Variants in ZZZ3 observed in about 807,000 individuals in gnomAD.
ZZZ3 encodes the protein ZZ-type zinc finger-containing protein 3.
ZZZ3 carries 22 observed loss-of-function variants against 95.2 expected under a neutral mutation model. The ratio of observed to expected loss-of-function variants is 0.23; its 90% CI spans 0.17 to 0.33. ZZZ3 has a LOEUF of 0.33. Ranked by LOEUF, ZZZ3 falls within the 10% of genes least tolerant of loss-of-function variation. The pLI is 1.00. For missense variants in ZZZ3, 885 were observed against 1,066.5 expected (o/e 0.83, Z 2.37); for synonymous variants, 335 against 358.9 (o/e 0.93, Z 0.75).
chr1:77,572,676 G>A (rs757351179), intron 12 of ZZZ3, among the ~76,000 whole-genome samples: 5 of 151,196 alleles, frequency 3.3e-5, no homozygotes, highest in South Asian at 2.1e-4. Flanking sequence ...TCCCTCTGTC[G>A]CCCAGGCTGG....
chr1:77,576,544 T>C (rs917160998), intron 11 of ZZZ3, among the ~76,000 whole-genome samples: 1 of 152,154 alleles, frequency 6.6e-6, no homozygotes, highest in African/African-American at 2.4e-5. Flanking sequence ...TATGATCATC[T>C]TATAGAAGAT....
intron 1 of ZZZ3, chr1:77,645,597 G>A (rs1001957088): frequency 1.3e-5 from 2 of 152,102 alleles, no homozygotes; most frequent in African/African-American, 4.8e-5. Flanking sequence ...ACTCCAATTT[G>A]AGTAAAACAG....
At chr1:77,580,510 A>T (rs1662395846) in intron 9 of ZZZ3, 1 of 152,354 alleles carries the variant, frequency 6.6e-6, no homozygotes, top group Non-Finnish European at 1.5e-5. Context: ...ACAAAAGTTT[A>T]CACATTCTCA....
At chr1:77,600,923 T>G (rs1011722975) in intron 5 of ZZZ3, among the ~76,000 whole-genome samples, 2 of 152,178 alleles carry the variant, frequency 1.3e-5, no homozygotes, top group African/African-American at 4.8e-5. Flanking sequence ...AGTTTTAACC[T>G]GAGTTTTCAG....
chr1:77,575,122 T>A (rs1007284010), intron 12 of ZZZ3, among the ~76,000 whole-genome samples: 12 of 152,044 alleles, frequency 7.9e-5, no homozygotes, highest in Non-Finnish European at 1.6e-4. Context: ...AGGCAGAGGC[T>A]GCAGTGAGCC....
At chr1:77,591,798 A>C (rs1663722284) in intron 5 of ZZZ3, among the ~76,000 whole-genome samples, 1 of 152,236 alleles carries the variant, frequency 6.6e-6, no homozygotes, top group African/African-American at 2.4e-5. Flanking sequence ...ATTTAAAATG[A>C]GCAAAGAAAA....
At chr1:77,678,941 A>C (rs1282609873) in intron 1 of ZZZ3, among the ~76,000 whole-genome samples, 1 of 152,192 alleles carries the variant, frequency 6.6e-6, no homozygotes, top group Non-Finnish European at 1.5e-5. Flanking sequence ...CAACAGTAAT[A>C]ATAATATCTG....
At chr1:77,646,116 T>C (rs142683620) in intron 1 of ZZZ3, among the ~76,000 whole-genome samples, 205 of 152,322 alleles carry the variant, frequency 1.3e-3, no homozygotes, top group African/African-American at 4.8e-3. Context: ...TCCTAAATAT[T>C]TCTCAAATTG....
intron 1 of ZZZ3, among the ~76,000 whole-genome samples, chr1:77,642,412 C>T (rs1322720235): frequency 6.6e-6 from 1 of 152,102 alleles, no homozygotes; most frequent in African/African-American, 2.4e-5. Context: ...TGTACCACTC[C>T]ATTACACAGT....
intron 1 of ZZZ3, among the ~76,000 whole-genome samples, chr1:77,662,617 TAA>T (rs1557773901): frequency 6.6e-6 from 1 of 152,078 alleles, no homozygotes; most frequent in Non-Finnish European, 1.5e-5. Context: ...CCTAATCTCT[TAA>T]AAAATGTCAA....
chr1:77,658,175 T>A (rs1292633035), intron 1 of ZZZ3, among the ~76,000 whole-genome samples: 66 of 103,236 alleles, frequency 6.4e-4, no homozygotes, highest in Non-Finnish European at 9.4e-4. Context: ...CGAGACTTTG[T>A]CTCAAAAAAA....
intron 11 of ZZZ3, among the ~76,000 whole-genome samples, chr1:77,577,256 A>C (rs1405467000): frequency 2.0e-5 from 3 of 152,242 alleles, no homozygotes; most frequent in Non-Finnish European, 4.4e-5. Context: ...AGGGAAAAAA[A>C]CACATGTACG....
At chr1:77,577,935 TAATGTAG>T (rs1662130671) in intron 11 of ZZZ3, among the ~76,000 whole-genome samples, 1 of 152,090 alleles carries the variant, frequency 6.6e-6, no homozygotes, top group African/African-American at 2.4e-5. Flanking sequence ...GGCTACATTT[TAATGTAG>T]TGTCCTGTTT....
At chr1:77,579,699 AC>A in intron 9 of ZZZ3, 71 bp from the exon 10 acceptor site, 1 of 879,732 alleles carries the variant, frequency 1.1e-6, no homozygotes, top group Non-Finnish European at 1.8e-6. Context: ...CTAAATAAAT[AC>A]ATTCACATTT....
chr1:77,671,033 T>TA (rs202043631), intron 1 of ZZZ3, among the ~76,000 whole-genome samples: 3,631 of 150,610 alleles, frequency 0.024, 111 homozygotes, highest in African/African-American at 0.085. Context: ...GTTGTTTTTT[T>TA]TAAAAAAAAA....
Position 77,582,674 on chromosome 1 carries a change from T to TC in ZZZ3, c.1645-549_1645-548insG, listed in dbSNP as rs59830879. Among the ~76,000 whole-genome samples, 760 of 151,116 alleles carry TC rather than the reference T, an allele frequency of 5.0e-3. 9 individuals carry two copies. The highest frequency in any genetic ancestry group is 0.017 in the African/African-American group (713 of 41,360). ...GACTTTCATGGTAATTTTTTTCTTT[T>TC]TTTTTTTTTTAAGTCCCAGACACTG... On this transcript the variant is annotated intron_variant, in intron 6 of 14. Transcript: ENST00000370801.
chr1:77,675,969 G>C (rs1297593218), intron 1 of ZZZ3, among the ~76,000 whole-genome samples: 1 of 152,182 alleles, frequency 6.6e-6, no homozygotes, highest in African/African-American at 2.4e-5. Context: ...AAGGTATTGT[G>C]ATTCTGTAAC....
At chr1:77,681,284 T>C (rs1432159007) in intron 1 of ZZZ3, among the ~76,000 whole-genome samples, 1 of 152,160 alleles carries the variant, frequency 6.6e-6, no homozygotes, top group Non-Finnish European at 1.5e-5. Context: ...CTCTATACTA[T>C]ATACCTCTCT....
chr1:77,610,130 C>G (rs1045237778), intron 5 of ZZZ3, among the ~76,000 whole-genome samples: 8 of 106,716 alleles, frequency 7.5e-5, no homozygotes, highest in African/African-American at 2.2e-4. Context: ...CAAATAAAAT[C>G]AGAGATAAAA....
Sources: gnomAD v4.1 joint callset for allele counts (sites outside exome capture counted in the v4.1 genomes callset) on GRCh38, gnomAD v4.1.1 for gene constraint, MANE v1.5 for transcripts, NCBI Gene and HGNC (gene_info 2026-07-23, HGNC 2026-07-21) for gene names.